Variants in SESN3 observed in about 807,000 individuals in gnomAD.
SESN3 encodes sestrin 3, also known as sestrin-3.
A neutral mutation model predicts 55.3 loss-of-function variants in SESN3; 21 were observed. The observed-to-expected ratio is 0.38, with a 90% CI of 0.27 to 0.55. The LOEUF (loss-of-function observed/expected upper bound fraction) is 0.55. SESN3 is among the 20% of genes least tolerant of loss of function. The probability of loss-of-function intolerance (pLI) is 0.76; values close to 1 mark genes in which losing one functional copy is unlikely to be tolerated. For missense variants in SESN3, 408 were observed against 604.3 expected, an observed-to-expected ratio of 0.68 and a Z score of 3.41; for synonymous variants, 181 against 203.1, an observed-to-expected ratio of 0.89 and a Z score of 0.93.
At chr11:95,213,480 T>C (rs1391329452) in intron 1 of SESN3, among the ~76,000 whole-genome samples, 2 of 152,218 alleles carry the variant, frequency 1.3e-5, no homozygotes, top group Non-Finnish European at 2.9e-5. Flanking sequence ...TGACCTTTAC[T>C]GAAAGCTAGG....
chr11:95,188,017 A>T (rs1001090799), intron 4 of SESN3, among the ~76,000 whole-genome samples: 157 of 59,704 alleles, frequency 2.6e-3, no homozygotes, highest in African/African-American at 8.0e-3. Context: ...CCCATGGCTT[A>T]AAAAAAAAAA....
chr11:95,210,212 T>C (rs545578948), intron 1 of SESN3, among the ~76,000 whole-genome samples: 10 of 151,122 alleles, frequency 6.6e-5, no homozygotes, highest in African/African-American at 2.5e-4. Flanking sequence ...CACCGGAGCC[T>C]GTAGGGGGTT....
chr11:95,209,340 T>C (rs1424450578), intron 1 of SESN3, among the ~76,000 whole-genome samples: 4 of 151,452 alleles, frequency 2.6e-5, no homozygotes, highest in Admixed American at 1.3e-4. Context: ...CTGGTCATTA[T>C]AGAAATGCAA....
Position 95,175,645 on chromosome 11 carries a change from A to G in SESN3, c.1248-3T>C. On this transcript the variant is annotated splice_polypyrimidine_tract_variant and splice_region_variant and intron_variant, in intron 8 of 9. Coordinates refer to ENST00000536441, the MANE Select transcript of SESN3 (RefSeq NM_144665.4). The stretch of plus-strand genomic sequence containing the variant: ...CTCCATAATCATAGTCATCATACCT[A>G]CGAGCAATACAACAATAGCTTTATA... 6.2e-7 allele frequency: 1 copy of G among 1,609,046 alleles called. No homozygotes were observed. Among genetic ancestry groups the G allele is most frequent in the South Asian group, 1.1e-5 (1 of 90,802 alleles).
At position 95,172,133 on chromosome 11, in the gene SESN3, T is replaced by G. The variant is rs1469854155; in HGVS notation, c.*1122A>C. The G allele has an allele frequency of 6.6e-6, 1 of 152,182 alleles. No individual in the cohort carries two copies. The allele number at this position is 152,182 out of a possible 1,614,324, so 9.4% of individuals were successfully genotyped here. A position where few individuals can be genotyped will look rare whatever the true frequency, so the allele number is the denominator to read the frequency against. On this transcript the variant is annotated 3_prime_UTR_variant, in exon 10 of 10. Coordinates refer to ENST00000536441, the MANE Select transcript of SESN3 (RefSeq NM_144665.4). ...GCAGTGATATGACAGGGGGAAAGTT[T>G]AGTTGAGTATTTTTTGAACATATTG... is the stretch of plus-strand genomic sequence containing the variant.
intron 1 of SESN3, among the ~76,000 whole-genome samples, chr11:95,205,330 G>A (rs1181511209): frequency 6.6e-6 from 1 of 152,106 alleles, no homozygotes; most frequent in African/African-American, 2.4e-5. Context: ...TTAGAAAGTA[G>A]AGTGGGGTGG....
chr11:95,210,526 AC>A (rs1321387530), intron 1 of SESN3, among the ~76,000 whole-genome samples: 1 of 152,242 alleles, frequency 6.6e-6, no homozygotes, highest in Admixed American at 6.5e-5. Context: ...CTCATAATAC[AC>A]TGGTGAACTA....
chr11:95,218,140 G>C lies in SESN3; in HGVS notation c.78+12643C>G, dbSNP rs73530843. Among the ~76,000 whole-genome samples, 572 of 152,336 alleles carry C rather than the reference G, an allele frequency of 3.8e-3. 4 individuals carry two copies. Among genetic ancestry groups the C allele is most frequent in the African/African-American group, 0.013 (537 of 41,572 alleles). Reference sequence around the variant, plus strand: ...ATGTTGGTTGGGGAAGGTAGGTAGAGAATTAGGATTTTAAGACAATAAGAC... The same window carrying C: ...ATGTTGGTTGGGGAAGGTAGGTAGACAATTAGGATTTTAAGACAATAAGAC... On this transcript the variant is annotated intron_variant, in intron 1 of 9. Coordinates refer to ENST00000536441, the MANE Select transcript of SESN3 (RefSeq NM_144665.4).
At chr11:95,219,196 C>T (rs1263791560) in intron 1 of SESN3, among the ~76,000 whole-genome samples, 1 of 152,032 alleles carries the variant, frequency 6.6e-6, no homozygotes, top group Non-Finnish European at 1.5e-5. Flanking sequence ...TATTCCACAC[C>T]CCAACTGAGA....
intron 1 of SESN3, among the ~76,000 whole-genome samples, chr11:95,217,844 C>A (rs964539): frequency 0.28 from 42,438 of 151,938 alleles, 6,322 homozygotes; most frequent in Admixed American, 0.32. Flanking sequence ...TGCCATATTA[C>A]TTACATTGAT....
At chr11:95,178,281 G>C (rs958646791) in intron 7 of SESN3, among the ~76,000 whole-genome samples, 1 of 152,176 alleles carries the variant, frequency 6.6e-6, no homozygotes, top group African/African-American at 2.4e-5. Flanking sequence ...GAATGAGTTT[G>C]TCATAATTCA....
chr11:95,177,828 G>A lies in SESN3; in HGVS notation c.1138C>T (p.Arg380Trp). Residue 380 changes from arginine (R) to tryptophan (W), a missense_variant, in exon 8 of 10, where the codon CGG becomes TGG. By Grantham distance (101) the Arg-to-Trp change is moderately radical. Around this residue, in one of 4 missense-constraint regions of SESN3, gnomAD observed 121 missense variants for 204.9 expected, o/e 0.59. Coordinates refer to ENST00000536441, the MANE Select transcript of SESN3 (RefSeq NM_144665.4). ...TTATATGTGAGATTGTAGACCATCC[G>A]AAACTTTTCATCAAGAAGATGTCCA... The part of the protein sequence containing the change: ...DIGHLLDEKF[R>W]MVYNLTYNTM... The A allele has an allele frequency of 6.2e-7, 1 of 1,603,374 alleles. No individual in the cohort carries two copies. Among genetic ancestry groups the A allele is most frequent in the Non-Finnish European group, 8.5e-7 (1 of 1,177,058 alleles).
intron 6 of SESN3, chr11:95,184,025 T>G (rs1860113127): frequency 4.5e-6 from 1 of 222,444 alleles, no homozygotes; most frequent in Admixed American, 5.6e-5. Context: ...AGAATAATCT[T>G]CCCACACACC....
intron 9 of SESN3, 73 bp downstream of exon 9, chr11:95,175,425 T>C: frequency 7.9e-7 from 1 of 1,258,154 alleles, no homozygotes; most frequent in South Asian, 1.5e-5. Context: ...CTTTCATGTG[T>C]CATTTTTCAT....
chr11:95,173,144 C>G lies in SESN3; in HGVS notation c.*111G>C. The G allele has an allele frequency of 1.8e-6, 1 of 546,908 alleles. No homozygotes were observed. The highest frequency in any genetic ancestry group is 3.2e-6 in the Non-Finnish European group (1 of 310,698). The allele number at this position is 546,908 out of a possible 1,614,324, so 33.9% of individuals were successfully genotyped here. ...AAAAAAAAAAAAACAAACGGCTAAA[C>G]TTTGACACTAGAGAACTGAATAATT... On this transcript the variant is annotated 3_prime_UTR_variant, in exon 10 of 10. Transcript: ENST00000536441.
At chr11:95,232,049 A>T (rs1861081229), upstream of SESN3, 1 of 152,254 alleles carries the variant, frequency 6.6e-6, no homozygotes, top group Admixed American at 6.5e-5. Context: ...TCTCACCCAA[A>T]AGACCTTCCT....
intron 7 of SESN3, 121 bp from the exon 8 acceptor site, chr11:95,178,030 C>A: frequency 2.9e-6 from 2 of 679,514 alleles, no homozygotes; most frequent in Non-Finnish European, 4.8e-6. Context: ...TCTAGGTTTT[C>A]AGCTTTACTA....
In SESN3 at chr11:95,167,475, C is replaced by CCCATATATATATAT. The variant is rs563322416; in HGVS notation, c.*5779_*5780insATATATATATATGG. ...TCAGATATTCATTCTGTTTCCCCCC[C>CCCATATATATATAT]ATATATATAATTTTTCATTCTGTAC... On this transcript the variant is annotated 3_prime_UTR_variant, in exon 10 of 10. Transcript: ENST00000536441. The CCCATATATATATAT allele has an allele frequency of 2.0e-5, 3 of 150,818 alleles. No homozygotes were observed. The highest frequency in any genetic ancestry group is 7.5e-5 in the African/African-American group (3 of 40,218). 9.3% of individuals were successfully genotyped at this position (150,818 alleles called of 1,614,324 possible). A position where few individuals can be genotyped will look rare whatever the true frequency, so the allele number is the denominator to read the frequency against.
chr11:95,195,266 ATTACT>A (rs1860340213), intron 1 of SESN3, among the ~76,000 whole-genome samples: 2 of 152,298 alleles, frequency 1.3e-5, no homozygotes, highest in East Asian at 3.9e-4. Flanking sequence ...GTTTCATATT[ATTACT>A]TTAAATATTT....
Sources: gnomAD v4.1 joint callset for allele counts (sites outside exome capture counted in the v4.1 genomes callset) on GRCh38, gnomAD v4.1.1 for gene constraint, gnomAD v4.1.1 regional missense constraint, MANE v1.5 for transcripts, NCBI Gene and HGNC (gene_info 2026-07-23, HGNC 2026-07-21) for gene names.